SLC48A1: variants seen among roughly 807,000 people sequenced by gnomAD.
SLC48A1 encodes heme transporter HRG1.
Under a neutral mutation model 14.8 loss-of-function variants are expected in SLC48A1, and 6 were observed. That is an observed-to-expected ratio of 0.41 (90% confidence interval 0.22 to 0.80). SLC48A1 has a LOEUF of 0.80. SLC48A1 is among the 30% of genes least tolerant of loss of function. The pLI, the probability that SLC48A1 is intolerant of heterozygous loss-of-function variation, is 0.34. For synonymous variants in SLC48A1, 89 were observed against 90.0 expected (o/e 0.99, Z 0.06); for missense variants, 165 against 204.8 (o/e 0.81, Z 1.19).
chr12:47,754,848 C>A (rs1279283797), upstream of SLC48A1, among the ~76,000 whole-genome samples: 1 of 152,198 alleles, frequency 6.6e-6, no homozygotes, highest in East Asian at 1.9e-4. Context: ...CACTCTCATT[C>A]CTGAACAGAA....
upstream of SLC48A1, chr12:47,773,088 G>C (rs1433698641): frequency 4.9e-6 from 3 of 615,684 alleles, no homozygotes; most frequent in South Asian, 1.4e-4. Context: ...CAAACGACAC[G>C]GCAGCTTCGC....
upstream of SLC48A1, among the ~76,000 whole-genome samples, chr12:47,757,174 T>G (rs1362758559): frequency 6.6e-6 from 1 of 152,084 alleles, no homozygotes; most frequent in African/African-American, 2.4e-5. Context: ...AGCTACTCTA[T>G]TTAGTCTGGA....
chr12:47,780,135 C>T lies in SLC48A1; in HGVS notation c.305-10C>T, dbSNP rs1942835419. On this transcript the variant is annotated splice_polypyrimidine_tract_variant and intron_variant, in intron 2 of 2. Transcript: ENST00000442218. ...TGCCAAAGTCACTGTCGGTACTTCT[C>T]TCCCTGCAGGCCTCACAGACCCCAC... 1.3e-6 allele frequency: 2 copies of T among 1,566,390 alleles called. No homozygotes were observed. Among genetic ancestry groups the T allele is most frequent in the Admixed American group, 1.9e-5 (1 of 53,924 alleles).
rs1592608834 is a variant in SLC48A1 at position 47,777,374 on chromosome 12, C to T, written c.137-1654C>T. 1.3e-5 allele frequency among the ~76,000 whole-genome samples: 2 copies of T among 152,142 alleles called. No individual in the cohort carries two copies. The highest frequency in any genetic ancestry group is 4.8e-5 in the African/African-American group (2 of 41,434). ...CTGGGAGAGTGTTCAGGGGGTCAAA[C>T]GGTGGCAGGGGCTGAGGGAAGCTGT... On this transcript the variant is annotated intron_variant, in intron 1 of 2. Coordinates refer to ENST00000442218, the MANE Select transcript of SLC48A1 (RefSeq NM_017842.3). This position sits in a 1 kb window ranked among gnomAD's most constrained non-coding sequence, Gnocchi z 4.5.
At chr12:47,763,178 G>A (rs1241716951) in intron 2 of SLC48A1, among the ~76,000 whole-genome samples, 4 of 152,104 alleles carry the variant, frequency 2.6e-5, no homozygotes, top group Non-Finnish European at 4.4e-5. Context: ...CAATTTCAAG[G>A]CCTTTCATGC....
chr12:47,773,924 G>GA (rs1398774492), intron 1 of SLC48A1, among the ~76,000 whole-genome samples: 2 of 152,256 alleles, frequency 1.3e-5, no homozygotes, highest in Non-Finnish European at 2.9e-5. Context: ...AGTGGGAAAG[G>GA]AAGAGGGCTA....
chr12:47,779,015 G>A lies in SLC48A1; in HGVS notation c.137-13G>A, dbSNP rs191476354. On this transcript the variant is annotated splice_polypyrimidine_tract_variant and intron_variant, in intron 1 of 2. Coordinates refer to ENST00000442218, the MANE Select transcript of SLC48A1 (RefSeq NM_017842.3). Reference sequence around the variant, plus strand: ...GCACCCTGGGGATGGGCCCTGATGTGTCTCTCCTGCAGGGGTGCTGGCACT... The same window carrying A: ...GCACCCTGGGGATGGGCCCTGATGTATCTCTCCTGCAGGGGTGCTGGCACT... The A allele has an allele frequency of 1.9e-6, 3 of 1,550,908 alleles. No homozygotes were observed. The highest frequency in any genetic ancestry group is 3.9e-5 in the Admixed American group (2 of 50,962).
chr12:47,776,588 TTGA>T (rs1312236614), intron 1 of SLC48A1, among the ~76,000 whole-genome samples: 1 of 152,190 alleles, frequency 6.6e-6, no homozygotes, highest in African/African-American at 2.4e-5. Context: ...GCCTCCACAC[TTGA>T]TGTGTGTTTA....
rs774022272 is a variant in SLC48A1 at position 47,763,649 on chromosome 12, G to A, written c.-187+3248G>A. On this transcript the variant is annotated intron_variant, in intron 2 of 4. Coordinates refer to the SLC48A1 transcript ENST00000547002. The stretch of plus-strand genomic sequence containing the variant: ...CTCCCTTGCCCATTCCTGGGGTGGG[G>A]GGCAGCGGCAGGGAGCTGGAGCCTT... Among the ~76,000 whole-genome samples, 137 of 152,314 alleles carry A rather than the reference G, an allele frequency of 9.0e-4. No individual in the cohort carries two copies. In the Middle Eastern group the frequency reaches 0.01, roughly 11 times the overall value.
chr12:47,772,644 T>G (rs1202202251), upstream of SLC48A1, among the ~76,000 whole-genome samples: 1 of 151,740 alleles, frequency 6.6e-6, no homozygotes, highest in Non-Finnish European at 1.5e-5. Context: ...GCCACTGTAC[T>G]CCTGCCCGGG....
chr12:47,778,991 C>T, intron 1 of SLC48A1, 37 bp from the exon 2 acceptor site: 1 of 1,539,676 alleles, frequency 6.5e-7, no homozygotes, highest in Non-Finnish European at 8.8e-7. Context: ...GGCTCTGGAG[C>T]ACCCTGGGGA....
rs116510205 is a variant in SLC48A1, at chr12:47,775,337, G to A, written c.136+1897G>A. On this transcript the variant is annotated intron_variant, in intron 1 of 2. Coordinates refer to ENST00000442218, the MANE Select transcript of SLC48A1 (RefSeq NM_017842.3). ...CCTTGGCCTATGAGGCAGGCCAGCT[G>A]TGGAGCTGCCTTCAGAGAGAGGCGC... is the stretch of plus-strand genomic sequence containing the variant. 6.6e-3 allele frequency among the ~76,000 whole-genome samples: 999 copies of A among 152,312 alleles called. 17 individuals are homozygous for A. The highest frequency in any genetic ancestry group is 0.023 in the African/African-American group (943 of 41,546).
intron 1 of SLC48A1, among the ~76,000 whole-genome samples, chr12:47,776,330 C>T (rs1368136293): frequency 6.6e-6 from 1 of 152,220 alleles, no homozygotes; most frequent in Non-Finnish European, 1.5e-5. Context: ...ACGGTGTGGT[C>T]TGGTGTGGGC....
upstream of SLC48A1, chr12:47,756,461 G>A: frequency 6.6e-6 from 1 of 152,222 alleles, no homozygotes; most frequent in Non-Finnish European, 1.5e-5. Context: ...AGCGGAGGAG[G>A]ACCCAGGCTC....
intron 2 of SLC48A1, among the ~76,000 whole-genome samples, chr12:47,779,456 G>A (rs1942819275): frequency 6.6e-6 from 1 of 152,186 alleles, no homozygotes; most frequent in South Asian, 2.1e-4. Context: ...CCATTAGTCT[G>A]TGCTCAGCTC....
chr12:47,758,482 T>G (rs1592588729), upstream of SLC48A1: 3 of 1,584,638 alleles, frequency 1.9e-6, no homozygotes. Flanking sequence ...CCACCCAAAC[T>G]CCCCACCGTG....
intron 1 of SLC48A1, among the ~76,000 whole-genome samples, chr12:47,776,772 G>A (rs757739614): frequency 1.3e-5 from 2 of 152,188 alleles, no homozygotes; most frequent in Non-Finnish European, 2.9e-5. Context: ...ACATGGGGGT[G>A]GGAGTTTTGG....
chr12:47,754,988 G>C (rs1315315520), upstream of SLC48A1, among the ~76,000 whole-genome samples: 1 of 152,232 alleles, frequency 6.6e-6, no homozygotes, highest in African/African-American at 2.4e-5. Flanking sequence ...ACAGCCTGGG[G>C]ACCTGTCAGA....
chr12:47,766,694 T>G (rs1942523508), upstream of SLC48A1, among the ~76,000 whole-genome samples: 1 of 152,016 alleles, frequency 6.6e-6, no homozygotes, highest in African/African-American at 2.4e-5. Context: ...TGATGCTTTC[T>G]TAGCTCCTGA....
Sources: gnomAD v4.1 joint callset for allele counts (sites outside exome capture counted in the v4.1 genomes callset) on GRCh38, gnomAD v4.1.1 for gene constraint, Gnocchi (gnomAD v3.1) non-coding constraint, MANE v1.5 for transcripts, NCBI Gene and HGNC (gene_info 2026-07-23, HGNC 2026-07-21) for gene names.